The following TIAM1 variants were observed in gnomAD, a reference collection of about 807,000 sequenced individuals.
TIAM1 encodes rho guanine nucleotide exchange factor TIAM1.
A neutral mutation model predicts 163.5 loss-of-function variants in TIAM1; 65 were observed. The observed-to-expected ratio is 0.40, with a 90% confidence interval of 0.33 to 0.49. The LOEUF (loss-of-function observed/expected upper bound fraction) is 0.49, where lower values mean the gene tolerates loss of function less well. TIAM1 is among the 20% of genes least tolerant of loss of function. The pLI, the probability that TIAM1 is intolerant of heterozygous loss-of-function variation, is 0.77. For synonymous variants in TIAM1, 833 were observed against 810.1 expected (o/e 1.03, Z -0.48); for missense variants, 1,789 against 2,044.7 (o/e 0.87, Z 2.41).
At chr21:31,476,724 CA>C (rs2045946754) in intron 1 of TIAM1, among the ~76,000 whole-genome samples, 1 of 152,174 alleles carries the variant, frequency 6.6e-6, no homozygotes, top group African/African-American at 2.4e-5. Flanking sequence ...TCTTAATTGC[CA>C]CCATGAGGTC....
chr21:31,502,816 T>G (rs1257866736), intron 1 of TIAM1, among the ~76,000 whole-genome samples: 1 of 152,210 alleles, frequency 6.6e-6, no homozygotes, highest in African/African-American at 2.4e-5. Flanking sequence ...TTGCCAGCCA[T>G]TTCTCTGCTT....
intron 11 of TIAM1, among the ~76,000 whole-genome samples, chr21:31,205,828 G>C (rs1050924997): frequency 2.2e-4 from 33 of 152,078 alleles, no homozygotes; most frequent in African/African-American, 8.0e-4. Context: ...GCCACGCATG[G>C]TGGGGTGAGC....
chr21:31,452,979 T>G (rs2044926707), intron 2 of TIAM1: 1 of 504,116 alleles, frequency 2.0e-6, no homozygotes, highest in East Asian at 5.5e-5. Flanking sequence ...TGGGGAAAAG[T>G]TATGGAAGAA....
intron 2 of TIAM1, among the ~76,000 whole-genome samples, chr21:31,277,551 G>T (rs557505650): frequency 6.6e-6 from 1 of 152,152 alleles, no homozygotes; most frequent in Admixed American, 6.5e-5. Context: ...AGGCTGTGGC[G>T]GGAGAATCGC....
intron 2 of TIAM1, among the ~76,000 whole-genome samples, chr21:31,416,167 C>T (rs922531368): frequency 1.3e-5 from 2 of 152,060 alleles, no homozygotes; most frequent in African/African-American, 4.8e-5. Context: ...TCCTATATAC[C>T]AGCCCCATAG....
chr21:31,489,285 G>A (rs1002666409), intron 1 of TIAM1, among the ~76,000 whole-genome samples: 8 of 145,872 alleles, frequency 5.5e-5, no homozygotes, highest in Non-Finnish European at 1.0e-4. Context: ...GAGGAGGATG[G>A]CTTGAACCCA....
chr21:31,354,903 T>C (rs553942596), intron 2 of TIAM1, among the ~76,000 whole-genome samples: 2 of 152,190 alleles, frequency 1.3e-5, no homozygotes, highest in East Asian at 3.9e-4. Context: ...CCAAGATAAG[T>C]CATCTCTGAC....
At position 31,266,213 on chromosome 21, in the gene TIAM1, C is replaced by A. The variant is rs762015548; in HGVS notation, c.760G>T (p.Ala254Ser). Residue 254 changes from alanine (A) to serine (S), a missense_variant, in exon 4 of 28, where the codon GCA becomes TCA. Coordinates refer to ENST00000541036, the MANE Select transcript of TIAM1 (RefSeq NM_001353694.2). Reference sequence around the variant, plus strand: ...GACACCAAATTCCGACAGTAGCCTGCAAATTTGCTCCCCGGCCCCCCGTTT... The same window carrying A: ...GACACCAAATTCCGACAGTAGCCTGAAAATTTGCTCCCCGGCCCCCCGTTT... The part of the protein sequence containing the change: ...TANGGPGSKF[A>S]GYCRNLVSDI... The A allele has an allele frequency of 1.2e-6, 2 of 1,614,032 alleles. No individual in the cohort carries two copies. Among genetic ancestry groups the A allele is most frequent in the East Asian group, 2.2e-5 (1 of 44,864 alleles).
intron 15 of TIAM1, 144 bp downstream of exon 15, chr21:31,182,277 C>T (rs2085067204): frequency 1.7e-6 from 1 of 596,632 alleles, no homozygotes; most frequent in Non-Finnish European, 2.6e-6. Flanking sequence ...AATGCAGGGC[C>T]AGTCATCAGC....
chr21:31,475,934 G>C (rs564734781), intron 1 of TIAM1, among the ~76,000 whole-genome samples: 1 of 152,340 alleles, frequency 6.6e-6, no homozygotes, highest in African/African-American at 2.4e-5. Context: ...AGGATAAAGA[G>C]TGTAGATAAA....
intron 15 of TIAM1, among the ~76,000 whole-genome samples, chr21:31,178,071 T>G (rs2084848905): frequency 6.6e-6 from 1 of 152,242 alleles, no homozygotes; most frequent in Non-Finnish European, 1.5e-5. Context: ...GTTTTCTATT[T>G]TAACTGCAGT....
intron 1 of TIAM1, among the ~76,000 whole-genome samples, chr21:31,508,138 T>G (rs1228452524): frequency 6.6e-6 from 1 of 152,058 alleles, no homozygotes; most frequent in East Asian, 1.9e-4. Flanking sequence ...GAAGGACAGG[T>G]TCTTCCTTAG....
At chr21:31,193,357 T>C (rs2085660571) in intron 13 of TIAM1, among the ~76,000 whole-genome samples, 1 of 152,172 alleles carries the variant, frequency 6.6e-6, no homozygotes, top group Non-Finnish European at 1.5e-5. Context: ...ACTTTCCTCC[T>C]GGGAGTCTGG....
chr21:31,331,184 A>C (rs779989424), intron 2 of TIAM1, among the ~76,000 whole-genome samples: 20 of 152,234 alleles, frequency 1.3e-4, no homozygotes, highest in Non-Finnish European at 2.6e-4. Context: ...ATGATGACAA[A>C]CTGTAAAACA....
chr21:31,404,196 T>C (rs1279992080), intron 2 of TIAM1, among the ~76,000 whole-genome samples: 1 of 152,200 alleles, frequency 6.6e-6, no homozygotes, highest in Non-Finnish European at 1.5e-5. Context: ...TGAATTATCC[T>C]TTTATCTTTA....
intron 10 of TIAM1, chr21:31,213,170 T>C: frequency 2.2e-6 from 1 of 445,948 alleles, no homozygotes; most frequent in South Asian, 3.8e-5. Flanking sequence ...CATCAAATGG[T>C]AAGTATGGGA....
At chr21:31,285,573 T>C (rs1601826531) in intron 2 of TIAM1, among the ~76,000 whole-genome samples, 1 of 152,124 alleles carries the variant, frequency 6.6e-6, no homozygotes, top group East Asian at 1.9e-4. Context: ...TAAAGAGAGA[T>C]TTCACGCCAG....
chr21:31,513,599 G>C (rs924950617), intron 1 of TIAM1, among the ~76,000 whole-genome samples: 5 of 152,156 alleles, frequency 3.3e-5, no homozygotes, highest in African/African-American at 1.2e-4. Flanking sequence ...TTAGAAACCA[G>C]AATATACCTA....
chr21:31,494,483 G>A (rs2046575852), intron 1 of TIAM1, among the ~76,000 whole-genome samples: 1 of 152,176 alleles, frequency 6.6e-6, no homozygotes. Flanking sequence ...TACCTTATCA[G>A]CTTGATATGA....
Sources: allele counts gnomAD v4.1 joint callset (sites outside exome capture counted in the v4.1 genomes callset), GRCh38; gene constraint gnomAD v4.1.1; transcripts MANE v1.5; gene names NCBI Gene and HGNC (gene_info 2026-07-23, HGNC 2026-07-21).